The following CTNNA3 variants were observed in gnomAD, a reference collection of about 807,000 sequenced individuals.
CTNNA3 encodes the protein catenin alpha 3.
A neutral mutation model predicts 95.7 loss-of-function variants in CTNNA3; 76 were observed. The ratio of observed to expected loss-of-function variants is 0.79; its 90% CI spans 0.66 to 0.96. CTNNA3 has a LOEUF of 0.96. CTNNA3 is among the 40% of genes least tolerant of loss of function. CTNNA3 has a pLI of 0.00. For synonymous variants in CTNNA3, 431 were observed against 374.4 expected, an observed-to-expected ratio of 1.15 and a Z score of -1.74; for missense variants, 1,191 against 1,089.8, an observed-to-expected ratio of 1.09 and a Z score of -1.31.
intron 17 of CTNNA3, among the ~76,000 whole-genome samples, chr10:65,955,635 A>G (rs1218922850): frequency 6.6e-6 from 1 of 152,142 alleles, no homozygotes; most frequent in Non-Finnish European, 1.5e-5. Context: ...TTCTGCATCT[A>G]TTGAGACAAT....
intron 12 of CTNNA3, among the ~76,000 whole-genome samples, chr10:66,355,578 T>G (rs1412623068): frequency 6.6e-6 from 1 of 152,058 alleles, no homozygotes; most frequent in African/African-American, 2.4e-5. Context: ...AAACTCTTTA[T>G]TTTTGAATTT....
At chr10:65,957,620 A>T (rs1427609793) in intron 17 of CTNNA3, among the ~76,000 whole-genome samples, 22 of 152,290 alleles carry the variant, frequency 1.4e-4, no homozygotes, top group Non-Finnish European at 5.9e-5. Flanking sequence ...GCTTGTCTGT[A>T]AAGGATTTTA....
chr10:66,644,464 T>C (rs547679361), intron 9 of CTNNA3, among the ~76,000 whole-genome samples: 1,169 of 102,606 alleles, frequency 0.011, 17 homozygotes, highest in African/African-American at 0.046. Flanking sequence ...TATGTATATA[T>C]ATATATATGT....
At chr10:67,436,167 C>A (rs559887185) in intron 5 of CTNNA3, among the ~76,000 whole-genome samples, 4 of 152,074 alleles carry the variant, frequency 2.6e-5, no homozygotes, top group East Asian at 3.9e-4. Flanking sequence ...AGAAATAAAC[C>A]CAAATACTTA....
At chr10:67,479,194 G>A (rs1037800432) in intron 5 of CTNNA3, among the ~76,000 whole-genome samples, 5 of 152,094 alleles carry the variant, frequency 3.3e-5, no homozygotes, top group African/African-American at 4.8e-5. Context: ...GCAGATCACT[G>A]AGGCACCAAC....
intron 7 of CTNNA3, among the ~76,000 whole-genome samples, chr10:67,170,796 T>A (rs1861986085): frequency 6.6e-6 from 1 of 152,124 alleles, no homozygotes; most frequent in African/African-American, 2.4e-5. Context: ...ACAAACACTA[T>A]GATGGAGAAG....
At chr10:66,591,948 A>G (rs1843565945) in intron 10 of CTNNA3, among the ~76,000 whole-genome samples, 2 of 152,116 alleles carry the variant, frequency 1.3e-5, no homozygotes, top group Admixed American at 1.3e-4. Context: ...ATTGAGTTTT[A>G]GCAAGTTTTA....
chr10:67,487,724 C>G (rs1268398608), intron 5 of CTNNA3, among the ~76,000 whole-genome samples: 2 of 152,142 alleles, frequency 1.3e-5, no homozygotes, highest in East Asian at 3.8e-4. Context: ...AAGGGTCCAG[C>G]AGGTTGTCCC....
intron 13 of CTNNA3, chr10:66,118,121 G>A (rs2082414669): frequency 6.6e-6 from 1 of 152,184 alleles, no homozygotes; most frequent in East Asian, 1.9e-4. Flanking sequence ...TTTGACTATA[G>A]TTTATTTAAA....
intron 7 of CTNNA3, among the ~76,000 whole-genome samples, chr10:67,095,408 C>T (rs896863864): frequency 6.6e-6 from 1 of 151,454 alleles, no homozygotes; most frequent in Non-Finnish European, 1.5e-5. Flanking sequence ...AAGACATATC[C>T]AACAGTAAGA....
At chr10:66,480,713 T>C (rs940944647) in intron 11 of CTNNA3, among the ~76,000 whole-genome samples, 4 of 152,140 alleles carry the variant, frequency 2.6e-5, no homozygotes, top group African/African-American at 9.7e-5. Flanking sequence ...CAGCTGATTG[T>C]CCTGCCTCAG....
At chr10:67,425,922 T>G (rs1344505858) in intron 5 of CTNNA3, among the ~76,000 whole-genome samples, 1 of 152,072 alleles carries the variant, frequency 6.6e-6, no homozygotes, top group Non-Finnish European at 1.5e-5. Context: ...GACATCCTGT[T>G]TCTGGGAAGG....
intron 16 of CTNNA3, among the ~76,000 whole-genome samples, chr10:65,985,382 T>C (rs943651222): frequency 6.6e-6 from 1 of 151,364 alleles, no homozygotes; most frequent in Admixed American, 6.6e-5. Context: ...AACACATTAA[T>C]GAAAGCAACA....
intron 5 of CTNNA3, among the ~76,000 whole-genome samples, chr10:67,422,475 T>C (rs1338953181): frequency 6.6e-6 from 1 of 152,152 alleles, no homozygotes; most frequent in African/African-American, 2.4e-5. Context: ...TCTCCAACTT[T>C]TTTGTAATTT....
At chr10:67,524,395 CAAAAAAAAA>C (rs200850487) in intron 4 of CTNNA3, among the ~76,000 whole-genome samples, 178 of 70,272 alleles carry the variant, frequency 2.5e-3, no homozygotes, top group Middle Eastern at 9.6e-3. Context: ...GACTCTGTCT[CAAAAAAAAA>C]AAAAAAAAAA....
At chr10:66,513,323 G>C (rs1341891605) in intron 11 of CTNNA3, among the ~76,000 whole-genome samples, 1 of 152,080 alleles carries the variant, frequency 6.6e-6, no homozygotes, top group Non-Finnish European at 1.5e-5. Context: ...CTTTGTTTCT[G>C]GGAGAATGCA....
chr10:66,506,267 A>T (rs534858592), intron 11 of CTNNA3, among the ~76,000 whole-genome samples: 4 of 152,254 alleles, frequency 2.6e-5, no homozygotes, highest in Admixed American at 2.6e-4. Context: ...GTTTCAACGT[A>T]ATATTTGGAG....
At chr10:67,041,281 A>G (rs981427011) in intron 7 of CTNNA3, among the ~76,000 whole-genome samples, 4 of 152,120 alleles carry the variant, frequency 2.6e-5, no homozygotes, top group East Asian at 3.9e-4. Context: ...ATGTTGAACT[A>G]TGCTTCCAGC....
intron 13 of CTNNA3, among the ~76,000 whole-genome samples, chr10:66,189,765 A>G (rs1354611391): frequency 6.6e-6 from 1 of 151,646 alleles, no homozygotes; most frequent in African/African-American, 2.4e-5. Flanking sequence ...GGTATATGTT[A>G]CCTTTATTTT....
Sources: allele counts gnomAD v4.1 joint callset (sites outside exome capture counted in the v4.1 genomes callset), GRCh38; gene constraint gnomAD v4.1.1; transcripts MANE v1.5; gene names NCBI Gene and HGNC (gene_info 2026-07-23, HGNC 2026-07-21).